The following C4orf51 variants were observed in gnomAD, a reference collection of about 807,000 sequenced individuals.
C4orf51 encodes uncharacterized protein C4orf51.
C4orf51 carries 25 observed loss-of-function variants against 25.2 expected under a neutral mutation model. The observed-to-expected ratio is 0.99, with a 90% confidence interval of 0.72 to 1.39. The LOEUF (loss-of-function observed/expected upper bound fraction) is 1.39, where lower values mean the gene tolerates loss of function less well. Ranked by LOEUF, C4orf51 falls within the 40% of genes most tolerant of loss-of-function variation. The pLI, the probability that C4orf51 is intolerant of heterozygous loss-of-function variation, is 0.00. For missense variants in C4orf51, 252 were observed against 239.6 expected (o/e 1.05, Z -0.34); for synonymous variants, 100 against 84.5 (o/e 1.18, Z -1.01).
At chr4:145,719,405 A>G (rs1419771837) in intron 2 of C4orf51, among the ~76,000 whole-genome samples, 1 of 152,094 alleles carries the variant, frequency 6.6e-6, no homozygotes, top group Non-Finnish European at 1.5e-5. Flanking sequence ...GGAGATCGAG[A>G]CCATCCTGGC....
At chr4:145,710,561 A>T (rs1284787489) in intron 2 of C4orf51, among the ~76,000 whole-genome samples, 1 of 152,164 alleles carries the variant, frequency 6.6e-6, no homozygotes, top group Admixed American at 6.5e-5. Flanking sequence ...TGTCCCTAGA[A>T]GGTCATATAC....
At chr4:145,760,720 G>GTTTT (rs10715391) in intron 1 of C4orf51, 5 of 706,406 alleles carry the variant, frequency 7.1e-6, no homozygotes, top group African/African-American at 4.6e-5. Context: ...AAGTTTTGTG[G>GTTTT]TTTTTTTTTT....
chr4:145,728,347 AG>A (rs1289978015), intron 3 of C4orf51, among the ~76,000 whole-genome samples: 8 of 152,124 alleles, frequency 5.3e-5, no homozygotes, highest in Non-Finnish European at 4.4e-5. Flanking sequence ...CCAACTTGAC[AG>A]ATGAAGATAG....
chr4:145,775,941 G>A (rs1737011507), downstream of C4orf51: 1 of 1,614,022 alleles, frequency 6.2e-7, no homozygotes, highest in Non-Finnish European at 8.5e-7. Context: ...GGCACAAGTG[G>A]CATTTGTATT....
At chr4:145,694,415 G>A (rs1729897430) in intron 1 of C4orf51, among the ~76,000 whole-genome samples, 1 of 135,798 alleles carries the variant, frequency 7.4e-6, no homozygotes, top group African/African-American at 2.7e-5. Flanking sequence ...CGTCTGGGAG[G>A]TGAGGGGCGC....
intron 2 of C4orf51, among the ~76,000 whole-genome samples, chr4:145,699,776 C>G (rs1337841577): frequency 3.3e-5 from 5 of 151,890 alleles, no homozygotes; most frequent in Non-Finnish European, 7.4e-5. Context: ...ACCTTCTCTC[C>G]TTGTCTCTAC....
intron 1 of C4orf51, among the ~76,000 whole-genome samples, chr4:145,752,851 G>C (rs559221984): frequency 1.3e-5 from 2 of 152,336 alleles, no homozygotes; most frequent in South Asian, 4.1e-4. Context: ...GGCTAGGGCT[G>C]TTCTAAATGC....
chr4:145,772,068 G>C (rs942656596), downstream of C4orf51, among the ~76,000 whole-genome samples: 7 of 152,170 alleles, frequency 4.6e-5, no homozygotes, highest in Non-Finnish European at 7.3e-5. Flanking sequence ...TTTCCTCCAT[G>C]CCAAGTAACT....
downstream of C4orf51, among the ~76,000 whole-genome samples, chr4:145,735,288 A>G (rs912042576): frequency 1.3e-5 from 2 of 152,162 alleles, no homozygotes; most frequent in South Asian, 4.1e-4. Context: ...TCCTCACGCA[A>G]TCTGGAAGAG....
chr4:145,718,717 T>A (rs990515548), intron 2 of C4orf51, among the ~76,000 whole-genome samples: 3 of 152,248 alleles, frequency 2.0e-5, no homozygotes, highest in South Asian at 4.1e-4. Flanking sequence ...AATGTGACCT[T>A]GCCTATCTTT....
chr4:145,780,386 C>T, the C4orf51 span, among the ~76,000 whole-genome samples: 1 of 152,164 alleles, frequency 6.6e-6, no homozygotes, highest in Non-Finnish European at 1.5e-5. Flanking sequence ...TGATAACTAC[C>T]ACACGCTGTG....
At chr4:145,760,917 C>A in intron 1 of C4orf51, 1 of 1,233,904 alleles carries the variant, frequency 8.1e-7, no homozygotes, top group Non-Finnish European at 1.0e-6. Context: ...ATAACATTGT[C>A]AAGGGAATGA....
downstream of C4orf51, chr4:145,758,514 A>C (rs1734135496): frequency 6.6e-6 from 1 of 152,222 alleles, no homozygotes; most frequent in Non-Finnish European, 1.5e-5. Flanking sequence ...CTGAACTTGT[A>C]GTTTTGAAAA....
downstream of C4orf51, among the ~76,000 whole-genome samples, chr4:145,756,504 C>T (rs968237582): frequency 6.6e-6 from 1 of 152,180 alleles, no homozygotes; most frequent in Non-Finnish European, 1.5e-5. Context: ...CTCAAAGTCA[C>T]TGAAGGCCCA....
Position 145,728,020 on chromosome 4 carries a change from TA to T in C4orf51, c.366+1053del, listed in dbSNP as rs1350268289. Among the ~76,000 whole-genome samples, 96 of 126,246 alleles carry T rather than the reference TA, an allele frequency of 7.6e-4. 1 individual carries two copies. The highest frequency in any genetic ancestry group is 5.2e-3 in the Admixed American group (54 of 10,396). 82.8% of individuals were successfully genotyped at this position (126,246 alleles called of 152,430 possible). On this transcript the variant is annotated intron_variant, in intron 3 of 5. Coordinates refer to ENST00000438731, the MANE Select transcript of C4orf51 (RefSeq NM_001080531.3). ...ATTATATATATAATGTGTGTATATA[TA>T]ATATATATTATATATAATATATATA...
intron 4 of C4orf51, among the ~76,000 whole-genome samples, chr4:145,729,446 C>A (rs1053702856): frequency 2.0e-5 from 3 of 151,822 alleles, no homozygotes; most frequent in Non-Finnish European, 4.4e-5. Flanking sequence ...GGACTACCGG[C>A]GCCCGCCACC....
chr4:145,691,290 A>T (rs935916532), intron 1 of C4orf51, among the ~76,000 whole-genome samples: 3 of 152,184 alleles, frequency 2.0e-5, no homozygotes, highest in African/African-American at 7.2e-5. Context: ...AAGTCAAAAA[A>T]TAACAGATAT....
intron 2 of C4orf51, among the ~76,000 whole-genome samples, chr4:145,723,476 GGACTAAAT>G (rs1322458364): frequency 1.3e-5 from 2 of 151,684 alleles, no homozygotes; most frequent in African/African-American, 2.4e-5. Context: ...CCCAGTAGGT[GGACTAAAT>G]GATTAGAAGA....
rs184019089 is a variant in C4orf51, at chr4:145,747,865, G to T, written n.168-6342G>T. Among the ~76,000 whole-genome samples, 146 of 149,326 alleles carry T rather than the reference G, an allele frequency of 9.8e-4. 1 individual carries two copies. The highest frequency in any genetic ancestry group is 4.4e-5 in the Non-Finnish European group (3 of 67,432). On this transcript the variant is annotated intron_variant and non_coding_transcript_variant, in intron 1 of 1. Coordinates refer to the C4orf51 transcript ENST00000508981. ...TTCTTTCATGCCTTTGTCTCGTTTT[G>T]GTATCAGTGTAATACTGACCTCTTA...
Sources: gnomAD v4.1 joint callset for allele counts (sites outside exome capture counted in the v4.1 genomes callset) on GRCh38, gnomAD v4.1.1 for gene constraint, MANE v1.5 for transcripts, NCBI Gene and HGNC (gene_info 2026-07-23, HGNC 2026-07-21) for gene names.